Variants in COL27A1 observed in about 807,000 individuals in gnomAD.
COL27A1 encodes the protein collagen alpha-1(XXVII) chain.
Under a neutral mutation model 251.3 loss-of-function variants are expected in COL27A1, and 106 were observed. The ratio of observed to expected loss-of-function variants is 0.42; its 90% CI spans 0.36 to 0.50. COL27A1 has a LOEUF of 0.50. Among genes scored for constraint, COL27A1 ranks in the 20% least tolerant of loss-of-function variants. The pLI is 0.00. For missense variants in COL27A1, 2,325 were observed against 2,522.8 expected, an observed-to-expected ratio of 0.92 and a Z score of 1.68; for synonymous variants, 1,000 against 986.3, an observed-to-expected ratio of 1.01 and a Z score of -0.26.
upstream of COL27A1, among the ~76,000 whole-genome samples, chr9:114,154,605 G>T (rs529707207): frequency 2.0e-5 from 3 of 152,260 alleles, no homozygotes; most frequent in South Asian, 6.2e-4. This position sits in a 1 kb window ranked among gnomAD's most constrained non-coding sequence, Gnocchi z 5.8. Flanking sequence ...GTGCATTTGT[G>T]CCTGTGTAAG....
At chr9:114,270,652 G>A in intron 35 of COL27A1, 76 bp from the exon 36 acceptor site, 1 of 1,172,952 alleles carries the variant, frequency 8.5e-7, no homozygotes, top group South Asian at 1.3e-5. Context: ...GCCCCAGGGA[G>A]GGGGAAGAGA....
intron 59 of COL27A1, among the ~76,000 whole-genome samples, chr9:114,308,681 T>G (rs574875213): frequency 6.6e-6 from 1 of 152,154 alleles, no homozygotes; most frequent in African/African-American, 2.4e-5. Flanking sequence ...GAGGCTGGAG[T>G]TGGCGCCTGG....
At chr9:114,194,990 C>T (rs955054284) in intron 6 of COL27A1, among the ~76,000 whole-genome samples, 12 of 152,214 alleles carry the variant, frequency 7.9e-5, no homozygotes, top group African/African-American at 2.9e-4. Flanking sequence ...CTTCATCCGT[C>T]TCTGAAGCAT....
chr9:114,242,200 C>A lies in COL27A1; in HGVS notation c.2849C>A (p.Pro950His). 1 of 1,607,734 alleles carries A rather than the reference C, an allele frequency of 6.2e-7. No individual in the cohort carries two copies. Among genetic ancestry groups the A allele is most frequent in the South Asian group, 1.1e-5 (1 of 90,130 alleles). ...TCCCAATTCTAGGGAGATGAGGGAC[C>A]CATGGGGCCGCCAGGGGCCCCTGGC... is the stretch of plus-strand genomic sequence containing the variant. Reference protein sequence around the residue: ...GQLGPEGDEGPMGPPGAPGLE... With the variant: ...GQLGPEGDEGHMGPPGAPGLE... Residue 950 changes from proline (P) to histidine (H), a missense_variant, in exon 22 of 61, where the codon CCC (proline) becomes CAC (histidine). Coordinates refer to ENST00000356083, the MANE Select transcript of COL27A1 (RefSeq NM_032888.4).
Position 114,311,271 on chromosome 9 carries a change from A to G in COL27A1, c.*576A>G, listed in dbSNP as rs1829424899. The G allele has an allele frequency of 6.6e-6, 1 of 151,914 alleles. No individual in the cohort carries two copies. The allele number at this position is 151,914 out of a possible 1,614,324, so 9.4% of individuals were successfully genotyped here. A position where few individuals can be genotyped will look rare whatever the true frequency, so the allele number is the denominator to read the frequency against. ...CGAGATCCTCGGGCTGGGGGTGCCC[A>G]CGTTTGCTACCTCCCACTGTGAAAT... is the stretch of plus-strand genomic sequence containing the variant. On this transcript the variant is annotated 3_prime_UTR_variant, in exon 61 of 61. Transcript: ENST00000356083.
At chr9:114,222,567 A>G (rs569521261) in intron 14 of COL27A1, among the ~76,000 whole-genome samples, 1 of 152,308 alleles carries the variant, frequency 6.6e-6, no homozygotes, top group Non-Finnish European at 1.5e-5. Flanking sequence ...CTTGGAACAC[A>G]AGATTGCCAA....
chr9:114,191,257 A>G (rs1187473706), intron 5 of COL27A1, among the ~76,000 whole-genome samples: 2 of 151,868 alleles, frequency 1.3e-5, no homozygotes, highest in South Asian at 4.2e-4. Context: ...TCTTTTTTTT[A>G]ATTTTTAATT....
intron 12 of COL27A1, among the ~76,000 whole-genome samples, chr9:114,219,125 G>T (rs1043034157): frequency 6.6e-6 from 1 of 152,110 alleles, no homozygotes; most frequent in Non-Finnish European, 1.5e-5. Flanking sequence ...TATTTTTCCA[G>T]CTGCCTATCT....
intron 48 of COL27A1, among the ~76,000 whole-genome samples, chr9:114,291,174 G>A (rs900338374): frequency 2.0e-5 from 3 of 150,804 alleles, no homozygotes; most frequent in Non-Finnish European, 2.9e-5. Context: ...GTTGTCCACG[G>A]GCGCCCTCTC....
At chr9:114,191,503 G>A (rs1210962430) in intron 5 of COL27A1, among the ~76,000 whole-genome samples, 1 of 152,124 alleles carries the variant, frequency 6.6e-6, no homozygotes, top group African/African-American at 2.4e-5. Context: ...TCCCACTTAT[G>A]AGTGAGAGCA....
chr9:114,168,974 T>C lies in COL27A1; in HGVS notation c.1419T>C (p.Ser473=). ...KITSHASKPA[S]ARTSTHKPPP... ...CCAGCCATGCCAGTAAGCCGGCCTC[T>C]GCCCGCACCAGCACCCACAAACCTC... The change falls in exon 3 of 61, where the codon TCT becomes TCC. Residue 473 remains serine (S), a synonymous_variant. Transcript: ENST00000356083. 6.2e-7 allele frequency: 1 copy of C among 1,614,134 alleles called. No homozygotes were observed. Among genetic ancestry groups the C allele is most frequent in the South Asian group, 1.1e-5 (1 of 91,074 alleles).
At chr9:114,307,864 C>T (rs2131693359) in intron 59 of COL27A1, 86 bp downstream of exon 59, 1 of 895,712 alleles carries the variant, frequency 1.1e-6, no homozygotes, top group Non-Finnish European at 1.8e-6. Context: ...AGGTTCTGTT[C>T]TGAGCTGTGC....
chr9:114,304,743 G>A (rs936041957), intron 57 of COL27A1, 70 bp downstream of exon 57: 1 of 1,364,092 alleles, frequency 7.3e-7, no homozygotes, highest in African/African-American at 1.4e-5. Flanking sequence ...TGGCCCACAT[G>A]TGGTCAGTGC....
At chr9:114,162,561 G>C (rs1848571797) in intron 1 of COL27A1, among the ~76,000 whole-genome samples, 154 bp from the exon 2 acceptor site, 1 of 152,044 alleles carries the variant, frequency 6.6e-6, no homozygotes, top group African/African-American at 2.4e-5. Flanking sequence ...CTGCTGCTCT[G>C]ATGGGGTCCT....
intron 10 of COL27A1, chr9:114,209,431 C>T (rs1188620432): frequency 5.3e-6 from 4 of 761,230 alleles, no homozygotes; most frequent in Non-Finnish European, 9.8e-6. Context: ...GCGCCTGCGC[C>T]CTTCCCTGGC....
At chr9:114,209,620 G>A (rs1325805952) in intron 10 of COL27A1, 55 bp from the exon 11 acceptor site, 7 of 1,556,314 alleles carry the variant, frequency 4.5e-6, no homozygotes, top group Non-Finnish European at 6.2e-6. Flanking sequence ...CGGCAGGTTG[G>A]GCCAGCCACA....
intron 28 of COL27A1, among the ~76,000 whole-genome samples, chr9:114,261,430 G>A (rs1455690196): frequency 2.6e-5 from 4 of 152,194 alleles, no homozygotes; most frequent in Non-Finnish European, 5.9e-5. Flanking sequence ...GGGAACCTGC[G>A]GGATGAACTG....
At chr9:114,176,477 A>C (rs1827447075) in intron 3 of COL27A1, among the ~76,000 whole-genome samples, 1 of 151,972 alleles carries the variant, frequency 6.6e-6, no homozygotes, top group African/African-American at 2.4e-5. Flanking sequence ...ATTTTACAGT[A>C]ATAGAAAAAA....
intron 24 of COL27A1, among the ~76,000 whole-genome samples, chr9:114,249,397 C>G (rs2135516779): frequency 6.6e-6 from 1 of 152,268 alleles, no homozygotes; most frequent in East Asian, 1.9e-4. Context: ...GGTGCAGGAT[C>G]CACCATGCGT....
Sources: gnomAD v4.1 joint callset for allele counts (sites outside exome capture counted in the v4.1 genomes callset) on GRCh38, gnomAD v4.1.1 for gene constraint, Gnocchi (gnomAD v3.1) non-coding constraint, MANE v1.5 for transcripts, NCBI Gene and HGNC (gene_info 2026-07-23, HGNC 2026-07-21) for gene names.